PDE4B: variants seen among roughly 807,000 people sequenced by gnomAD.
The protein encoded by PDE4B is 3',5'-cyclic-AMP phosphodiesterase 4B.
PDE4B carries 20 observed loss-of-function variants against 82.2 expected under a neutral mutation model. The observed-to-expected ratio is 0.24, with a 90% CI of 0.17 to 0.35. The LOEUF is 0.35. Among genes scored for constraint, PDE4B ranks in the 10% least tolerant of loss-of-function variants. PDE4B has a pLI of 1.00. For missense variants in PDE4B, 655 were observed against 907.2 expected (o/e 0.72, Z 3.57); for synonymous variants, 320 against 318.9 (o/e 1.00, Z -0.04).
At chr1:66,031,098 C>T (rs1653749465) in intron 3 of PDE4B, among the ~76,000 whole-genome samples, 1 of 152,030 alleles carries the variant, frequency 6.6e-6, no homozygotes, top group African/African-American at 2.4e-5. Context: ...GCATGTATAT[C>T]CTTTAATCCA....
At chr1:66,134,253 G>T (rs1297562356) in intron 3 of PDE4B, among the ~76,000 whole-genome samples, 1 of 152,208 alleles carries the variant, frequency 6.6e-6, no homozygotes, top group Non-Finnish European at 1.5e-5. Flanking sequence ...GCACCATGGA[G>T]TTGCTTTGAA....
At chr1:65,933,320 TA>T (rs887770080) in intron 3 of PDE4B, among the ~76,000 whole-genome samples, 297 of 143,382 alleles carry the variant, frequency 2.1e-3, no homozygotes, top group African/African-American at 4.7e-3. Context: ...GTGCTGAAAT[TA>T]AAAAAAAAAA....
chr1:66,031,920 T>G (rs530687092), intron 3 of PDE4B, among the ~76,000 whole-genome samples: 1 of 152,202 alleles, frequency 6.6e-6, no homozygotes, highest in Non-Finnish European at 1.5e-5. Context: ...CTTTCCATCC[T>G]CTCCGGTGAC....
rs547881668 is a variant in PDE4B at position 65,813,279 on chromosome 1, C to T, written c.-71+20031C>T. Among the ~76,000 whole-genome samples, 24 of 152,002 alleles carry T rather than the reference C, an allele frequency of 1.6e-4. No homozygotes were observed. The South Asian group carries it at 4.8e-3, about 30-fold the overall frequency. ...TTACCATTTAGATGTGAGAGGTATA[C>T]GGAGGGAGAAAGAAGTCAACAGTAA... On this transcript the variant is annotated intron_variant, in intron 1 of 16. Coordinates refer to ENST00000341517, the MANE Select transcript of PDE4B (RefSeq NM_002600.4).
At chr1:66,179,763 A>G (rs1030259997) in intron 3 of PDE4B, among the ~76,000 whole-genome samples, 1 of 152,190 alleles carries the variant, frequency 6.6e-6, no homozygotes, top group African/African-American at 2.4e-5. Flanking sequence ...CTGACATGGT[A>G]GATTGTACAC....
rs1384694859 is a variant in PDE4B at position 66,068,355 on chromosome 1, A to G, written c.281+149520A>G. Among the ~76,000 whole-genome samples the G allele has an allele frequency of 3.3e-5, 5 of 151,982 alleles. No homozygotes were observed. The South Asian group carries it at 8.3e-4, about 25-fold the overall frequency. On this transcript the variant is annotated intron_variant, in intron 3 of 16. Coordinates refer to ENST00000341517, the MANE Select transcript of PDE4B (RefSeq NM_002600.4). ...TTCCTTGGAGAGTTGTGTAGCAGATATTAGAATTAACCAATAGATAGAAAT... is the reference window on the plus strand; with the variant it reads ...TTCCTTGGAGAGTTGTGTAGCAGATGTTAGAATTAACCAATAGATAGAAAT...
chr1:65,993,778 T>G (rs930675158), intron 3 of PDE4B, among the ~76,000 whole-genome samples: 1 of 152,158 alleles, frequency 6.6e-6, no homozygotes, highest in African/African-American at 2.4e-5. Context: ...AAATGGACTT[T>G]AAAATTTATA....
At chr1:66,240,278 T>C (rs1200217319) in intron 3 of PDE4B, among the ~76,000 whole-genome samples, 1 of 152,236 alleles carries the variant, frequency 6.6e-6, no homozygotes, top group Non-Finnish European at 1.5e-5. Context: ...CATTTGTTTA[T>C]TCATCAGACG....
At chr1:66,333,814 T>C (rs951638568) in intron 8 of PDE4B, among the ~76,000 whole-genome samples, 1 of 152,184 alleles carries the variant, frequency 6.6e-6, no homozygotes, top group African/African-American at 2.4e-5. Context: ...TCTTTGTTTA[T>C]TGGTTAATGA....
chr1:66,098,481 G>A (rs909826131), intron 3 of PDE4B, among the ~76,000 whole-genome samples: 1 of 152,108 alleles, frequency 6.6e-6, no homozygotes, highest in Non-Finnish European at 1.5e-5. Flanking sequence ...ATGGCTGGAA[G>A]CATAAGGCTA....
At chr1:65,870,477 T>G (rs1040333487) in intron 1 of PDE4B, among the ~76,000 whole-genome samples, 3 of 152,154 alleles carry the variant, frequency 2.0e-5, no homozygotes, top group Non-Finnish European at 4.4e-5. Context: ...CTGCTTAACA[T>G]ACATCAAAAT....
In PDE4B at chr1:66,204,981, T is replaced by C. The variant is rs1649428678; in HGVS notation, c.282-42479T>C. ...GACTGGAGCTATTCCTATTCGGCCA[T>C]CTTGGCTCCACCCTCTCCTGTGTTC... On this transcript the variant is annotated intron_variant, in intron 3 of 16. Coordinates refer to ENST00000341517, the MANE Select transcript of PDE4B (RefSeq NM_002600.4). Among the ~76,000 whole-genome samples the C allele has an allele frequency of 2.6e-5, 4 of 152,354 alleles. No individual in the cohort carries two copies. In the South Asian group the frequency reaches 8.3e-4, roughly 32 times the overall value.
chr1:66,189,987 G>C (rs996306607), intron 3 of PDE4B, among the ~76,000 whole-genome samples: 1 of 152,150 alleles, frequency 6.6e-6, no homozygotes, highest in Non-Finnish European at 1.5e-5. Flanking sequence ...GGTCTTTGAT[G>C]ATGGTGATGA....
At chr1:65,847,046 TG>T (rs1646275228) in intron 1 of PDE4B, among the ~76,000 whole-genome samples, 1 of 152,232 alleles carries the variant, frequency 6.6e-6, no homozygotes, top group Admixed American at 6.5e-5. Context: ...TAAAAAAACC[TG>T]TTTTCTGCTA....
chr1:66,039,146 T>C (rs1405521572), intron 3 of PDE4B, among the ~76,000 whole-genome samples: 1 of 152,084 alleles, frequency 6.6e-6, no homozygotes, highest in Non-Finnish European at 1.5e-5. Context: ...TTTTATAGCA[T>C]ACACAAGGCA....
At chr1:66,140,765 C>A (rs927518218) in intron 3 of PDE4B, among the ~76,000 whole-genome samples, 1 of 152,140 alleles carries the variant, frequency 6.6e-6, no homozygotes, top group Non-Finnish European at 1.5e-5. Context: ...ACAGTTAAAT[C>A]TTTTATATGG....
At chr1:66,371,088 AT>A in intron 16 of PDE4B, among the ~76,000 whole-genome samples, 1 of 113,432 alleles carries the variant, frequency 8.8e-6, no homozygotes, top group South Asian at 3.2e-4. Flanking sequence ...ATACACACAC[AT>A]CATACTATAT....
chr1:66,220,565 G>C (rs1228334788), intron 3 of PDE4B, among the ~76,000 whole-genome samples: 1 of 152,136 alleles, frequency 6.6e-6, no homozygotes, highest in African/African-American at 2.4e-5. Context: ...TTATAAATTA[G>C]AATGGCTCCT....
chr1:66,253,265 T>C (rs976754430), intron 4 of PDE4B, among the ~76,000 whole-genome samples: 1 of 152,214 alleles, frequency 6.6e-6, no homozygotes, highest in Non-Finnish European at 1.5e-5. Flanking sequence ...TCTCTCCATA[T>C]GACAGACAAA....
Sources: allele counts gnomAD v4.1 joint callset (sites outside exome capture counted in the v4.1 genomes callset), GRCh38; gene constraint gnomAD v4.1.1; transcripts MANE v1.5; gene names NCBI Gene and HGNC (gene_info 2026-07-23, HGNC 2026-07-21).